Variants in RPS6KC1 observed in about 807,000 individuals in gnomAD.
The protein encoded by RPS6KC1 is inactive ribosomal protein S6 kinase delta-1.
RPS6KC1 carries 54 observed loss-of-function variants against 103.8 expected under a neutral mutation model. The observed-to-expected ratio is 0.52, with a 90% CI of 0.42 to 0.65. The LOEUF is 0.65. RPS6KC1 is among the 30% of genes least tolerant of loss of function. RPS6KC1 has a pLI of 0.00. For missense variants in RPS6KC1, 1,151 were observed against 1,253.8 expected (o/e 0.92, Z 1.24); for synonymous variants, 439 against 438.7 (o/e 1.00, Z -0.01).
chr1:213,857,710 C>T, the RPS6KC1 span, among the ~76,000 whole-genome samples: 1 of 152,152 alleles, frequency 6.6e-6, no homozygotes. Context: ...ATAGATGTCC[C>T]ACTGTACTCC....
At chr1:213,602,028 C>CTTTCTTTCTCTTTCTTTCTT in the RPS6KC1 span, among the ~76,000 whole-genome samples, 11 of 11,896 alleles carry the variant, frequency 9.2e-4, 3 homozygotes, top group Admixed American at 2.4e-3. Context: ...TTCTTTCTTT[C>CTTTCTTTCTCTTTCTTTCTT]TCTTTCTCTT....
chr1:213,076,846 A>G (rs184117370), intron 2 of RPS6KC1, among the ~76,000 whole-genome samples: 1 of 151,752 alleles, frequency 6.6e-6, no homozygotes, highest in Non-Finnish European at 1.5e-5. Flanking sequence ...CTGCATAGCT[A>G]CTTCTTCAGT....
chr1:213,329,931 G>A, the RPS6KC1 span, among the ~76,000 whole-genome samples: 1 of 152,110 alleles, frequency 6.6e-6, no homozygotes, highest in Non-Finnish European at 1.5e-5. Flanking sequence ...TGAAACCTTG[G>A]CACCCTCTCA....
the RPS6KC1 span, among the ~76,000 whole-genome samples, chr1:213,305,161 T>C: frequency 1.3e-5 from 2 of 152,044 alleles, no homozygotes; most frequent in Non-Finnish European, 2.9e-5. Context: ...CTCAGCTCAC[T>C]GCAATCTCCG....
the RPS6KC1 span, among the ~76,000 whole-genome samples, chr1:213,511,938 G>T: frequency 6.6e-6 from 1 of 152,014 alleles, no homozygotes; most frequent in Non-Finnish European, 1.5e-5. Flanking sequence ...ACAGAGTTTT[G>T]CCCATTTGTT....
the RPS6KC1 span, among the ~76,000 whole-genome samples, chr1:213,439,534 G>A: frequency 3.3e-5 from 5 of 152,152 alleles, no homozygotes; most frequent in African/African-American, 1.2e-4. Context: ...AACAGATACT[G>A]AGAGAGGTTG....
the RPS6KC1 span, among the ~76,000 whole-genome samples, chr1:213,473,427 A>T: frequency 2.6e-5 from 4 of 152,180 alleles, no homozygotes; most frequent in African/African-American, 9.7e-5. Context: ...TTAGTTCCTG[A>T]CTTCTCTTTC....
At chr1:213,460,812 T>C in the RPS6KC1 span, among the ~76,000 whole-genome samples, 4 of 152,164 alleles carry the variant, frequency 2.6e-5, no homozygotes, top group African/African-American at 9.7e-5. Flanking sequence ...AGTATTTGCT[T>C]GTCTGTAAAG....
At chr1:213,084,035 C>G (rs2080149296) in intron 3 of RPS6KC1, among the ~76,000 whole-genome samples, 1 of 152,020 alleles carries the variant, frequency 6.6e-6, no homozygotes, top group Admixed American at 6.6e-5. Flanking sequence ...AAGAATAGTA[C>G]AAGAACACCT....
At chr1:213,825,610 C>T in the RPS6KC1 span, among the ~76,000 whole-genome samples, 4 of 152,236 alleles carry the variant, frequency 2.6e-5, no homozygotes, top group African/African-American at 9.6e-5. Context: ...GACTGCCCCT[C>T]CACATGGATC....
chr1:213,733,087 A>C, the RPS6KC1 span, among the ~76,000 whole-genome samples: 1 of 152,230 alleles, frequency 6.6e-6, no homozygotes. Context: ...GCTATTGTGA[A>C]TAATGCTGCC....
the RPS6KC1 span, among the ~76,000 whole-genome samples, chr1:213,575,485 A>T: frequency 1.3e-5 from 2 of 152,152 alleles, no homozygotes; most frequent in Non-Finnish European, 2.9e-5. Flanking sequence ...TTCTCATGAT[A>T]GTGAGTGAGT....
chr1:213,507,623 C>T, the RPS6KC1 span, among the ~76,000 whole-genome samples: 4 of 151,470 alleles, frequency 2.6e-5, no homozygotes, highest in Admixed American at 2.6e-4. Flanking sequence ...CGCTCAGAGC[C>T]CTGGTGGACA....
chr1:213,687,912 T>G, the RPS6KC1 span, among the ~76,000 whole-genome samples: 10 of 152,240 alleles, frequency 6.6e-5, no homozygotes, highest in Non-Finnish European at 1.3e-4. Flanking sequence ...TTCTCTGTGA[T>G]GAGGAACACA....
chr1:213,632,089 T>G, the RPS6KC1 span, among the ~76,000 whole-genome samples: 1 of 152,130 alleles, frequency 6.6e-6, no homozygotes, highest in African/African-American at 2.4e-5. Context: ...TATCAAGAGG[T>G]TTTTCCTTTT....
the RPS6KC1 span, among the ~76,000 whole-genome samples, chr1:213,635,952 C>T: frequency 6.6e-6 from 1 of 152,210 alleles, no homozygotes; most frequent in Non-Finnish European, 1.5e-5. Flanking sequence ...GCAAAAATCA[C>T]AAGCATTCCT....
intron 13 of RPS6KC1, 82 bp downstream of exon 13, chr1:213,261,722 G>T (rs2094802226): frequency 8.2e-7 from 1 of 1,223,982 alleles, no homozygotes; most frequent in Admixed American, 1.9e-5. Flanking sequence ...TTCACCCTTA[G>T]TTTTTAAATC....
intron 8 of RPS6KC1, among the ~76,000 whole-genome samples, chr1:213,201,558 A>T (rs1188474157): frequency 6.6e-6 from 1 of 152,178 alleles, no homozygotes; most frequent in Non-Finnish European, 1.5e-5. Context: ...CTACAGCAAG[A>T]TAGAACCCTA....
the RPS6KC1 span, among the ~76,000 whole-genome samples, chr1:213,802,005 T>C: frequency 1.9e-4 from 29 of 152,232 alleles, no homozygotes; most frequent in Non-Finnish European, 3.8e-4. Flanking sequence ...GTGTGTGCTA[T>C]TTGTATACTC....
Sources: gnomAD v4.1 joint callset for allele counts (sites outside exome capture counted in the v4.1 genomes callset) on GRCh38, gnomAD v4.1.1 for gene constraint, MANE v1.5 for transcripts, NCBI Gene and HGNC (gene_info 2026-07-23, HGNC 2026-07-21) for gene names.